Variants in ZBTB25 observed in about 807,000 individuals in gnomAD.
The protein encoded by ZBTB25 is zinc finger and BTB domain containing 25.
A neutral mutation model predicts 34.2 loss-of-function variants in ZBTB25; 20 were observed. That is an observed-to-expected ratio of 0.58 (90% CI 0.41 to 0.85). ZBTB25 has a LOEUF of 0.85. ZBTB25 is among the 40% of genes least tolerant of loss of function. The pLI is 0.00. For missense variants in ZBTB25, 437 were observed against 521.8 expected, an observed-to-expected ratio of 0.84 and a Z score of 1.58; for synonymous variants, 175 against 186.4, an observed-to-expected ratio of 0.94 and a Z score of 0.50.
chr14:64,504,601 G>A, upstream of ZBTB25: 1 of 269,814 alleles, frequency 3.7e-6, no homozygotes, highest in Non-Finnish European at 7.0e-6. Context: ...ACAAACAGGC[G>A]ACCGCGGGTG....
At chr14:64,458,049 T>C (rs1431530650) in intron 2 of ZBTB25, 2 of 675,334 alleles carry the variant, frequency 3.0e-6, no homozygotes, top group East Asian at 2.6e-5. Context: ...TGCCATCATA[T>C]CCAGCTAATT....
At chr14:64,467,324 T>C (rs752737664) in intron 2 of ZBTB25, 2 of 152,226 alleles carry the variant, frequency 1.3e-5, no homozygotes, top group African/African-American at 2.4e-5. Context: ...ATTAGAGATG[T>C]ATGTAAAAGT....
rs1286142460 is a variant in ZBTB25 at position 64,478,125 on chromosome 14, G to A, written c.*8798C>T. 3.3e-5 allele frequency: 5 copies of A among 152,180 alleles called. No homozygotes were observed. Among genetic ancestry groups the A allele is most frequent in the Non-Finnish European group, 4.4e-5 (3 of 68,036 alleles). 9.4% of individuals were successfully genotyped at this position (152,180 alleles called of 1,614,324 possible). On this transcript the variant is annotated 3_prime_UTR_variant, in exon 3 of 3. Coordinates refer to ENST00000608382, the MANE Select transcript of ZBTB25 (RefSeq NM_006977.5). Reference sequence around the variant, plus strand: ...TTCAATGAAAAACGTTTCAAACAGCGGAAGAGAATGTATCTGAGGGAGAGT... The same window carrying A: ...TTCAATGAAAAACGTTTCAAACAGCAGAAGAGAATGTATCTGAGGGAGAGT...
chr14:64,468,218 T>A (rs951572638), intron 2 of ZBTB25: 1 of 447,502 alleles, frequency 2.2e-6, no homozygotes, highest in African/African-American at 2.0e-5. Context: ...ATAGAGAAAC[T>A]GGGCATTTCT....
chr14:64,492,619 C>T (rs2079123931), intron 1 of ZBTB25, among the ~76,000 whole-genome samples: 1 of 149,482 alleles, frequency 6.7e-6, no homozygotes, highest in Non-Finnish European at 1.5e-5. Context: ...AAAAACAAAA[C>T]CAAACCCTCG....
intron 1 of ZBTB25, 138 bp from the exon 2 acceptor site, chr14:64,490,678 T>G: frequency 1.2e-6 from 1 of 803,508 alleles, no homozygotes; most frequent in South Asian, 3.0e-5. Flanking sequence ...ATTATTCAAG[T>G]TTTCAATCCT....
chr14:64,459,889 G>A (rs1390389193), intron 2 of ZBTB25: 7 of 1,535,984 alleles, frequency 4.6e-6, no homozygotes, highest in East Asian at 2.4e-5. Flanking sequence ...CTAATAGTAG[G>A]AGTTTCCCCA....
intron 1 of ZBTB25, among the ~76,000 whole-genome samples, chr14:64,496,545 T>G (rs1259999665): frequency 6.6e-6 from 1 of 152,194 alleles, no homozygotes; most frequent in Non-Finnish European, 1.5e-5. Context: ...GTTATATTTA[T>G]CAATATTTAC....
At chr14:64,458,349 T>A in intron 2 of ZBTB25, 1 of 1,242,606 alleles carries the variant, frequency 8.0e-7, no homozygotes, top group Non-Finnish European at 1.2e-6. Context: ...TTTCCTCATG[T>A]AGCTTATTTA....
rs371285981 is a variant in ZBTB25 at position 64,454,874 on chromosome 14, C to T, written c.174-5236G>A. The T allele has an allele frequency of 1.2e-5, 19 of 1,614,160 alleles. No homozygotes were observed. Among genetic ancestry groups the T allele is most frequent in the Admixed American group, 3.3e-5 (2 of 60,024 alleles). Reference sequence around the variant, plus strand: ...GGTTTTCTGTACCCCTTAGTAGGAACGGTAAGTGCATGCTGCAAGGGAGTA... The same window carrying T: ...GGTTTTCTGTACCCCTTAGTAGGAATGGTAAGTGCATGCTGCAAGGGAGTA... On this transcript the variant is annotated intron_variant, in intron 2 of 2. Coordinates refer to the ZBTB25 transcript ENST00000555220.
At chr14:64,453,659 T>G in intron 2 of ZBTB25, 4 of 755,236 alleles carry the variant, frequency 5.3e-6, no homozygotes, top group Non-Finnish European at 9.6e-6. Context: ...CTTCTGCCCC[T>G]TTTAGGGACT....
intron 1 of ZBTB25, among the ~76,000 whole-genome samples, chr14:64,493,868 G>T (rs907062327): frequency 2.0e-5 from 3 of 151,618 alleles, no homozygotes; most frequent in Admixed American, 1.3e-4. Context: ...AGAAGAAGAA[G>T]AATAGGGGTT....
intron 1 of ZBTB25, among the ~76,000 whole-genome samples, chr14:64,500,633 A>G (rs931088449): frequency 5.9e-5 from 9 of 152,058 alleles, no homozygotes; most frequent in Non-Finnish European, 1.0e-4. Flanking sequence ...CGTCTCTACT[A>G]AAAATACAAA....
At chr14:64,497,995 T>G (rs946182641) in intron 1 of ZBTB25, among the ~76,000 whole-genome samples, 1 of 152,220 alleles carries the variant, frequency 6.6e-6, no homozygotes, top group Non-Finnish European at 1.5e-5. Context: ...CAGAGGAATA[T>G]GTACATCTTT....
rs1314326317 is a variant in ZBTB25 at position 64,486,318 on chromosome 14, AT to A, written c.*604del. 2.5e-5 allele frequency: 25 copies of A among 985,084 alleles called. No individual in the cohort carries two copies. In the African/African-American group the frequency reaches 4.2e-4, roughly 17 times the overall value. The allele number at this position is 985,084 out of a possible 1,614,324, so 61.0% of individuals were successfully genotyped here. A position where few individuals can be genotyped will look rare whatever the true frequency, so the allele number is the denominator to read the frequency against. On this transcript the variant is annotated 3_prime_UTR_variant, in exon 3 of 3. Transcript: ENST00000608382. ...CTCTGTCTCAAAAAAAAAAAGAGGTATACTCAATGTTAAAAAGTAAAGAGAA... is the reference window on the plus strand; with the variant it reads ...CTCTGTCTCAAAAAAAAAAAGAGGTAACTCAATGTTAAAAAGTAAAGAGAA...
rs750936820 is a variant in ZBTB25, at chr14:64,478,500, C to T, written c.*8423G>A. 2 of 152,160 alleles carry T rather than the reference C, an allele frequency of 1.3e-5. No homozygotes were observed. The highest frequency in any genetic ancestry group is 2.4e-5 in the African/African-American group (1 of 41,438). The allele number at this position is 152,160 out of a possible 1,614,324, so 9.4% of individuals were successfully genotyped here. ...AAGGGAGCGTATTTACTCAAATGTC[C>T]TTCAATCTATGTCTTGACCAGGCAG... On this transcript the variant is annotated 3_prime_UTR_variant, in exon 3 of 3. Coordinates refer to ENST00000608382, the MANE Select transcript of ZBTB25 (RefSeq NM_006977.5).
Position 64,482,441 on chromosome 14 carries a change from A to C in ZBTB25, c.*4482T>G, listed in dbSNP as rs2078805245. The C allele has an allele frequency of 2.0e-5, 3 of 151,882 alleles. No homozygotes were observed. The highest frequency in any genetic ancestry group is 2.0e-4 in the Admixed American group (3 of 15,254). The allele number at this position is 151,882 out of a possible 1,614,324, so 9.4% of individuals were successfully genotyped here. ...ACTCCAGCCTGGGCAACAGAGCGAG[A>C]CTCCGTCTCAAAAAAGAAAAAAAAA... On this transcript the variant is annotated 3_prime_UTR_variant, in exon 3 of 3. Transcript: ENST00000608382.
chr14:64,497,673 T>C (rs551125749), intron 1 of ZBTB25, among the ~76,000 whole-genome samples: 3 of 152,324 alleles, frequency 2.0e-5, no homozygotes, highest in African/African-American at 7.2e-5. Context: ...CAAATTAAGA[T>C]GGAACAACTT....
exon 3 of ZBTB25, chr14:64,449,233 C>G (rs1277219799): frequency 1.6e-6 from 1 of 626,938 alleles, no homozygotes; most frequent in Non-Finnish European, 2.9e-6. Context: ...TCGCGTATTA[C>G]CAGGGTGGAA....
Sources: allele counts gnomAD v4.1 joint callset (sites outside exome capture counted in the v4.1 genomes callset), GRCh38; gene constraint gnomAD v4.1.1; transcripts MANE v1.5; gene names NCBI Gene and HGNC (gene_info 2026-07-23, HGNC 2026-07-21).